Variants in MCM9 observed in about 807,000 individuals in gnomAD.
The protein encoded by MCM9 is DNA helicase MCM9.
Under a neutral mutation model 72.8 loss-of-function variants are expected in MCM9, and 55 were observed. The observed-to-expected ratio is 0.76, with a 90% CI of 0.61 to 0.95. MCM9 has a LOEUF of 0.95. Ranked by LOEUF, MCM9 falls within the 40% of genes least tolerant of loss-of-function variation. The probability of loss-of-function intolerance (pLI) is 0.00; values close to 1 mark genes in which losing one functional copy is unlikely to be tolerated. For synonymous variants in MCM9, 480 were observed against 503.4 expected, an observed-to-expected ratio of 0.95 and a Z score of 0.62; for missense variants, 1,279 against 1,377.0, an observed-to-expected ratio of 0.93 and a Z score of 1.13.
intron 9 of MCM9, among the ~76,000 whole-genome samples, chr6:118,841,677 A>G (rs566692610): frequency 6.6e-6 from 1 of 152,272 alleles, no homozygotes; most frequent in African/African-American, 2.4e-5. Context: ...ACAGTATACA[A>G]TAAACGTTTA....
intron 3 of MCM9, among the ~76,000 whole-genome samples, chr6:118,930,099 A>AT (rs1562442260): frequency 6.4e-4 from 60 of 94,106 alleles, no homozygotes; most frequent in African/African-American, 1.6e-3. Context: ...TTATTTATTT[A>AT]TTTATTTATT....
chr6:118,925,134 T>C (rs1009649385), intron 3 of MCM9, among the ~76,000 whole-genome samples: 6 of 151,426 alleles, frequency 4.0e-5, no homozygotes, highest in Non-Finnish European at 7.4e-5. Context: ...AGGAGGAAAA[T>C]CTTATGTGGA....
intron 8 of MCM9, chr6:118,908,163 T>C (rs935399450): frequency 6.5e-6 from 1 of 152,822 alleles, no homozygotes; most frequent in Admixed American, 6.5e-5. Context: ...AAGCCTCTTA[T>C]GGCTACTATT....
Position 118,815,442 on chromosome 6 carries a change from G to A in MCM9, c.2814C>T (p.His938=). ...KSKLIHSFED[H]SHVSPGATKI... is the part of the protein sequence containing the mutation. ...TAGTTGCACCAGGTGACACATGGCTGTGATCTTCAAAGGAGTGGATCAGTT... is the reference window on the plus strand; with the variant it reads ...TAGTTGCACCAGGTGACACATGGCTATGATCTTCAAAGGAGTGGATCAGTT... Residue 938 remains histidine (H), a synonymous_variant, in exon 14 of 14, where the codon CAC becomes CAT. Coordinates refer to ENST00000619706, the MANE Select transcript of MCM9 (RefSeq NM_017696.3). 6.4e-7 allele frequency: 1 copy of A among 1,550,458 alleles called. No homozygotes were observed. Among genetic ancestry groups the A allele is most frequent in the Non-Finnish European group, 8.7e-7 (1 of 1,146,958 alleles).
chr6:118,843,900 G>GACATATTC (rs1775684063), intron 9 of MCM9, among the ~76,000 whole-genome samples: 4 of 151,158 alleles, frequency 2.6e-5, no homozygotes, highest in Admixed American at 1.3e-4. Context: ...AGCAAAAGCA[G>GACATATTC]ACATATTCAA....
chr6:118,897,780 T>TC (rs1779528578), intron 8 of MCM9, among the ~76,000 whole-genome samples: 1 of 151,820 alleles, frequency 6.6e-6, no homozygotes, highest in Admixed American at 6.6e-5. Context: ...ACCTTACCCT[T>TC]CCTCCCTCAA....
chr6:118,913,026 CAA>C (rs1780667790), intron 7 of MCM9: 2 of 325,448 alleles, frequency 6.1e-6, no homozygotes, highest in Non-Finnish European at 1.1e-5. Context: ...GTAATAGAAA[CAA>C]AGATTTTATT....
chr6:118,862,565 C>T (rs1284748572), intron 8 of MCM9, among the ~76,000 whole-genome samples: 2 of 152,176 alleles, frequency 1.3e-5, no homozygotes, highest in African/African-American at 4.8e-5. Context: ...AACCTAGATC[C>T]CTCACATGCA....
intron 8 of MCM9, among the ~76,000 whole-genome samples, chr6:118,893,857 C>CACA (rs1779124778): frequency 7.0e-6 from 1 of 142,472 alleles, no homozygotes. Context: ...AAAAAAAAAA[C>CACA]AAAAAAACGC....
In MCM9 at chr6:118,911,706, G is replaced by C; in HGVS notation, c.1094C>G (p.Ala365Gly). ...GTGKSQFLKY[A>G]AKITPRSVLT... is the part of the protein sequence containing the mutation. ...CACAGATCTTGGTGTAATCTTTGCT[G>C]CATATTTGAGGAACTGAGATTTCCC... The change falls in exon 8 of 14, where the codon GCA (alanine) becomes GGA (glycine). Residue 365 changes from alanine (A) to glycine (G), a missense_variant. Ala to Gly is a moderately conservative substitution (Grantham distance 60). Coordinates refer to ENST00000619706, the MANE Select transcript of MCM9 (RefSeq NM_017696.3). 6.2e-7 allele frequency: 1 copy of C among 1,613,706 alleles called. No individual in the cohort carries two copies.
chr6:118,873,807 G>A (rs1352592258), intron 8 of MCM9, among the ~76,000 whole-genome samples: 1 of 152,116 alleles, frequency 6.6e-6, no homozygotes, highest in Non-Finnish European at 1.5e-5. Context: ...TACCACACCA[G>A]ATAAAGACAT....
At chr6:118,905,197 G>T (rs1669005157) in intron 8 of MCM9, among the ~76,000 whole-genome samples, 1 of 152,172 alleles carries the variant, frequency 6.6e-6, no homozygotes, top group Non-Finnish European at 1.5e-5. Flanking sequence ...GAGTGGGTAT[G>T]AGAATATAAG....
intron 9 of MCM9, among the ~76,000 whole-genome samples, chr6:118,851,981 C>A (rs568705099): frequency 3.3e-4 from 51 of 152,268 alleles, no homozygotes; most frequent in African/African-American, 1.2e-3. Flanking sequence ...CTGAGCAATG[C>A]ATCATAAGGC....
chr6:118,876,545 A>G (rs1286837387), intron 8 of MCM9, among the ~76,000 whole-genome samples: 1 of 152,230 alleles, frequency 6.6e-6, no homozygotes, highest in Non-Finnish European at 1.5e-5. Context: ...TACTCTAAAA[A>G]ACAAATTTTA....
intron 13 of MCM9, among the ~76,000 whole-genome samples, chr6:118,823,180 A>G (rs1773930744): frequency 6.6e-6 from 1 of 152,110 alleles, no homozygotes; most frequent in African/African-American, 2.4e-5. Context: ...AAGCTAGCTC[A>G]GTGTCTGCCC....
intron 9 of MCM9, among the ~76,000 whole-genome samples, chr6:118,843,720 G>GTATGTATATATATATGTA (rs1775657861): frequency 2.1e-4 from 21 of 102,000 alleles, no homozygotes; most frequent in African/African-American, 8.0e-4. Flanking sequence ...ATATATATAT[G>GTATGTATATATATATGTA]TATATATATA....
chr6:118,874,189 A>C (rs1777791908), intron 8 of MCM9, among the ~76,000 whole-genome samples: 1 of 152,212 alleles, frequency 6.6e-6, no homozygotes, highest in Non-Finnish European at 1.5e-5. Flanking sequence ...TGGAAGGCAG[A>C]GGTTGCAGCG....
intron 13 of MCM9, among the ~76,000 whole-genome samples, chr6:118,824,857 C>T (rs1379696771): frequency 6.6e-6 from 1 of 152,078 alleles, no homozygotes; most frequent in Non-Finnish European, 1.5e-5. Flanking sequence ...GGTTTTGTTG[C>T]TTTCAGGAGG....
intron 9 of MCM9, among the ~76,000 whole-genome samples, chr6:118,831,888 T>TC (rs1469780599): frequency 6.6e-6 from 1 of 152,110 alleles, no homozygotes; most frequent in Non-Finnish European, 1.5e-5. Flanking sequence ...GGTGCTATTA[T>TC]CACAAACTTA....
Sources: gnomAD v4.1 joint callset for allele counts (sites outside exome capture counted in the v4.1 genomes callset) on GRCh38, gnomAD v4.1.1 for gene constraint, MANE v1.5 for transcripts, NCBI Gene and HGNC (gene_info 2026-07-23, HGNC 2026-07-21) for gene names.